PRKN: variants seen among roughly 807,000 people sequenced by gnomAD.
PRKN encodes the protein parkin RBR E3 ubiquitin protein ligase, also known as E3 ubiquitin-protein ligase parkin.
In PRKN, 56 loss-of-function variants were observed where a neutral mutation model predicts 59.5. The observed-to-expected ratio is 0.94, with a 90% CI of 0.76 to 1.18. The LOEUF (loss-of-function observed/expected upper bound fraction) is 1.18. Ranked by LOEUF, PRKN falls within the 50% of genes most tolerant of loss-of-function variation. The pLI, the probability that PRKN is intolerant of heterozygous loss-of-function variation, is 0.00. For synonymous variants in PRKN, 250 were observed against 222.1 expected, an observed-to-expected ratio of 1.13 and a Z score of -1.12; for missense variants, 657 against 596.4, an observed-to-expected ratio of 1.10 and a Z score of -1.06.
At chr6:162,074,978 T>C (rs111814280) in intron 4 of PRKN, among the ~76,000 whole-genome samples, 29 of 152,184 alleles carry the variant, frequency 1.9e-4, no homozygotes, top group African/African-American at 5.8e-4. Flanking sequence ...ATGGAGACAA[T>C]AAAGCCTTAC....
intron 7 of PRKN, among the ~76,000 whole-genome samples, chr6:161,718,476 G>C (rs1251713995): frequency 6.6e-6 from 1 of 152,186 alleles, no homozygotes; most frequent in Non-Finnish European, 1.5e-5. Flanking sequence ...AGGCATGAAT[G>C]ATGGTGCCTT....
chr6:162,504,640 G>C (rs1291463356), intron 1 of PRKN, among the ~76,000 whole-genome samples: 1 of 152,130 alleles, frequency 6.6e-6, no homozygotes, highest in Non-Finnish European at 1.5e-5. Context: ...ATAGGAGAAT[G>C]CTTTGTAACA....
At chr6:162,593,850 A>C (rs1781396062) in intron 1 of PRKN, among the ~76,000 whole-genome samples, 1 of 152,184 alleles carries the variant, frequency 6.6e-6, no homozygotes, top group Admixed American at 6.5e-5. Context: ...AGAATAATCT[A>C]ACCATTAAAA....
At chr6:162,308,055 G>C (rs1343315646) in intron 2 of PRKN, among the ~76,000 whole-genome samples, 1 of 152,164 alleles carries the variant, frequency 6.6e-6, no homozygotes, top group African/African-American at 2.4e-5. Flanking sequence ...TTTCTAATAA[G>C]AAAGGATGCA....
intron 6 of PRKN, among the ~76,000 whole-genome samples, chr6:161,842,434 T>C (rs1793024986): frequency 2.7e-5 from 4 of 147,184 alleles, no homozygotes; most frequent in Admixed American, 2.0e-4. Context: ...ATGGCACCAC[T>C]GCACTCCAGC....
intron 7 of PRKN, among the ~76,000 whole-genome samples, chr6:161,631,664 G>C (rs75057137): frequency 6.6e-6 from 1 of 151,990 alleles, no homozygotes; most frequent in Non-Finnish European, 1.5e-5. Flanking sequence ...AGATAAAAAC[G>C]CTTTTTGAAA....
chr6:162,052,186 T>C, intron 5 of PRKN, among the ~76,000 whole-genome samples: 1 of 152,150 alleles, frequency 6.6e-6, no homozygotes, highest in Admixed American at 6.5e-5. Flanking sequence ...TCAGGTCAAA[T>C]TTCAGATCTA....
chr6:161,820,267 TAAATTAGCAAAACCTCTCTGAAAA>T (rs1316880440), intron 6 of PRKN, among the ~76,000 whole-genome samples: 12 of 152,026 alleles, frequency 7.9e-5, no homozygotes, highest in Admixed American at 6.5e-4. Context: ...AGTGGGAATA[TAAATTAGCAAAACCTCTCTGAAAA>T]ACAAACTGGT....
chr6:162,390,374 GGT>G (rs1491305823), intron 2 of PRKN, among the ~76,000 whole-genome samples: 11 of 65,314 alleles, frequency 1.7e-4, no homozygotes, highest in Non-Finnish European at 2.4e-4. Context: ...ATACTGCTAA[GGT>G]ATATATATAT....
chr6:162,303,718 T>C (rs751973962), intron 2 of PRKN, among the ~76,000 whole-genome samples: 1 of 152,168 alleles, frequency 6.6e-6, no homozygotes, highest in Non-Finnish European at 1.5e-5. Context: ...GAAGGAGACA[T>C]TGTTTTTAAA....
Position 162,364,788 on chromosome 6 carries a change from A to G in PRKN, c.171+78522T>C, listed in dbSNP as rs534582164. 2.0e-5 allele frequency among the ~76,000 whole-genome samples: 3 copies of G among 152,274 alleles called. No homozygotes were observed. In the East Asian group the frequency reaches 5.8e-4, roughly 29 times the overall value. On this transcript the variant is annotated intron_variant, in intron 2 of 11. Coordinates refer to ENST00000366898, the MANE Select transcript of PRKN (RefSeq NM_004562.3). The stretch of plus-strand genomic sequence containing the variant: ...GGGAGGAGAGGCTTACATTTCCAGA[A>G]TGAGCCAGAGTTCAGATAAAGATAT...
chr6:162,148,747 G>A (rs1562541861), intron 4 of PRKN, among the ~76,000 whole-genome samples: 1 of 152,140 alleles, frequency 6.6e-6, no homozygotes. Context: ...AGAGCTTTGG[G>A]CAGTAGAATT....
At chr6:162,360,638 T>C (rs545465263) in intron 2 of PRKN, among the ~76,000 whole-genome samples, 3 of 152,134 alleles carry the variant, frequency 2.0e-5, no homozygotes, top group Admixed American at 6.5e-5. Flanking sequence ...CACAAAATCA[T>C]GTAAACCAGA....
chr6:162,008,590 T>A (rs1162938950), intron 5 of PRKN, among the ~76,000 whole-genome samples: 2 of 152,122 alleles, frequency 1.3e-5, no homozygotes, highest in Non-Finnish European at 2.9e-5. Flanking sequence ...CAGGAGAATC[T>A]GGAAAAGCTA....
intron 2 of PRKN, among the ~76,000 whole-genome samples, chr6:162,411,904 A>C (rs2128155022): frequency 6.6e-6 from 1 of 152,220 alleles, no homozygotes; most frequent in African/African-American, 2.4e-5. Flanking sequence ...GAATCTATCA[A>C]CCCTGATACT....
chr6:162,676,562 G>A (rs1271806779), intron 1 of PRKN, among the ~76,000 whole-genome samples: 2 of 152,122 alleles, frequency 1.3e-5, no homozygotes, highest in Non-Finnish European at 2.9e-5. Flanking sequence ...GGCAGATGGG[G>A]ACAGGGTATT....
chr6:161,634,254 C>T (rs890312194), intron 7 of PRKN, among the ~76,000 whole-genome samples: 1 of 152,152 alleles, frequency 6.6e-6, no homozygotes, highest in Admixed American at 6.5e-5. Context: ...ATAGTAGACA[C>T]CCCTGGTGAG....
At chr6:162,456,438 T>C (rs1381094124) in intron 1 of PRKN, among the ~76,000 whole-genome samples, 1 of 152,186 alleles carries the variant, frequency 6.6e-6, no homozygotes, top group Admixed American at 6.5e-5. Flanking sequence ...CACATCATGA[T>C]TCACTAGAAA....
chr6:161,633,498 T>C (rs971848280), intron 7 of PRKN, among the ~76,000 whole-genome samples: 1 of 152,242 alleles, frequency 6.6e-6, no homozygotes, highest in African/African-American at 2.4e-5. Context: ...CAAATTAACA[T>C]TATTGACTTT....
Sources: gnomAD v4.1 joint callset for allele counts (sites outside exome capture counted in the v4.1 genomes callset) on GRCh38, gnomAD v4.1.1 for gene constraint, MANE v1.5 for transcripts, NCBI Gene and HGNC (gene_info 2026-07-23, HGNC 2026-07-21) for gene names.